The following DNAJC21 variants were observed in gnomAD, a reference collection of about 807,000 sequenced individuals.
DNAJC21 encodes DnaJ heat shock protein family (Hsp40) member C21, also known as dnaJ homolog subfamily C member 21.
A neutral mutation model predicts 72.4 loss-of-function variants in DNAJC21; 63 were observed. The observed-to-expected ratio is 0.87, with a 90% confidence interval of 0.71 to 1.07. DNAJC21 has a LOEUF of 1.07. Among genes scored for constraint, DNAJC21 ranks in the 50% least tolerant of loss-of-function variants. The probability of loss-of-function intolerance (pLI) is 0.00; values close to 1 mark genes in which losing one functional copy is unlikely to be tolerated. For missense variants in DNAJC21, 634 were observed against 644.8 expected (o/e 0.98, Z 0.18); for synonymous variants, 203 against 216.7 (o/e 0.94, Z 0.56).
In DNAJC21 at chr5:34,938,893, C is replaced by G; in HGVS notation, c.779C>G (p.Thr260Ser). 6.2e-7 allele frequency: 1 copy of G among 1,614,064 alleles called. No individual in the cohort carries two copies. Among genetic ancestry groups the G allele is most frequent in the East Asian group, 2.2e-5 (1 of 44,878 alleles). Reference protein sequence around the residue: ...VEQYREQSWMTMANLEKELQE... With the variant: ...VEQYREQSWMSMANLEKELQE... ...CAGTACAGAGAACAGAGCTGGATGACTATGGCCAATTTGGAGAAAGAGCTC... is the reference window on the plus strand; with the variant it reads ...CAGTACAGAGAACAGAGCTGGATGAGTATGGCCAATTTGGAGAAAGAGCTC... The change falls in exon 6 of 12, where the codon ACT (threonine) becomes AGT (serine). Residue 260 changes from threonine (T) to serine (S), a missense_variant. Coordinates refer to ENST00000648817, the MANE Select transcript of DNAJC21 (RefSeq NM_001012339.3).
chr5:34,949,821 G>C (rs1765299824), intron 9 of DNAJC21: 1 of 1,422,646 alleles, frequency 7.0e-7, no homozygotes, highest in South Asian at 1.5e-5. Flanking sequence ...TACCTGTAGA[G>C]ATTACTTAAT....
At chr5:34,931,349 G>A (rs1017051160) in intron 1 of DNAJC21, among the ~76,000 whole-genome samples, 3 of 152,224 alleles carry the variant, frequency 2.0e-5, no homozygotes, top group Admixed American at 6.5e-5. Flanking sequence ...TGTAAAAATA[G>A]TGTAGAAGTA....
At chr5:34,934,039 A>G (rs143845556) in intron 2 of DNAJC21, 131 bp downstream of exon 2, 10 of 645,080 alleles carry the variant, frequency 1.6e-5, no homozygotes, top group Non-Finnish European at 2.5e-5. Context: ...TCACCTAGTC[A>G]TCACATAAAA....
In DNAJC21 at chr5:34,929,733, C is replaced by T. The variant is rs893032451; in HGVS notation, c.-87C>T. 234 of 594,460 alleles carry T rather than the reference C, an allele frequency of 3.9e-4. No homozygotes were observed. The African/African-American group carries it at 4.1e-3, about 11-fold the overall frequency. 36.8% of individuals were successfully genotyped at this position (594,460 alleles called of 1,614,324 possible). ...GCGGACTCCCGCCGGAGAGGACTGC[C>T]AGCGCCGCCGCCGCCGCCGCTTCGG... On this transcript the variant is annotated 5_prime_UTR_variant, in exon 1 of 12. It introduces an in-frame stop codon into an upstream open reading frame of the 5' UTR. Transcript: ENST00000648817.
intron 7 of DNAJC21, among the ~76,000 whole-genome samples, 179 bp downstream of exon 7, chr5:34,941,362 TA>T (rs948355290): frequency 2.0e-5 from 3 of 152,016 alleles, no homozygotes; most frequent in African/African-American, 7.2e-5. Context: ...CATGGCCAGC[TA>T]AAAAACTGCA....
chr5:34,940,539 G>A (rs1237575440), intron 6 of DNAJC21, among the ~76,000 whole-genome samples: 1 of 152,078 alleles, frequency 6.6e-6, no homozygotes, highest in African/African-American at 2.4e-5. Context: ...GAGCTTTTTA[G>A]TCAGTTGGTT....
In DNAJC21 at chr5:34,939,019, TTTTTA is replaced by T. The variant is rs1580528877; in HGVS notation, c.895+19_895+23del. On this transcript the variant is annotated intron_variant, in intron 6 of 11. Coordinates refer to ENST00000648817, the MANE Select transcript of DNAJC21 (RefSeq NM_001012339.3). ...AAAGATGAGGAGGATGGTAATATTATTTTTATTTTATTTATCTTTTTTGTTTTTTA... is the reference window on the plus strand; with the variant it reads ...AAAGATGAGGAGGATGGTAATATTATTTTTATTTATCTTTTTTGTTTTTTA... 1 of 1,521,012 alleles carries T rather than the reference TTTTTA, an allele frequency of 6.6e-7. No homozygotes were observed. Among genetic ancestry groups the T allele is most frequent in the Non-Finnish European group, 8.8e-7 (1 of 1,138,666 alleles). The allele number at this position is 1,521,012 out of a possible 1,614,324, so 94.2% of individuals were successfully genotyped here. A position where few individuals can be genotyped will look rare whatever the true frequency, so the allele number is the denominator to read the frequency against.
In DNAJC21 at chr5:34,942,880, C is replaced by T. The variant is rs537815834; in HGVS notation, c.983+1697C>T. On this transcript the variant is annotated intron_variant, in intron 7 of 11. Coordinates refer to ENST00000648817, the MANE Select transcript of DNAJC21 (RefSeq NM_001012339.3). ...GGTTGGGAGTTTGAGACCAGCCTGA[C>T]CAACATGGAGAAACCCCGTCTCTAC... Among the ~76,000 whole-genome samples the T allele has an allele frequency of 2.0e-5, 3 of 152,210 alleles. No homozygotes were observed. The East Asian group carries it at 5.8e-4, about 29-fold the overall frequency.
chr5:34,937,865 G>A (rs1401994806), intron 5 of DNAJC21, among the ~76,000 whole-genome samples: 3 of 152,022 alleles, frequency 2.0e-5, no homozygotes, highest in Admixed American at 6.6e-5. Flanking sequence ...GTGCGATCTC[G>A]GCTCACTGCA....
At chr5:34,951,597 G>C (rs904259672) in intron 10 of DNAJC21, 2 of 970,568 alleles carry the variant, frequency 2.1e-6, no homozygotes, top group East Asian at 2.3e-4. Context: ...GCGCAACCTC[G>C]GCTCACTGCA....
rs1764509059 is a variant in DNAJC21 at position 34,929,680 on chromosome 5, G to C, written c.-140G>C. 1 of 206,908 alleles carries C rather than the reference G, an allele frequency of 4.8e-6. No individual in the cohort carries two copies. Among genetic ancestry groups the C allele is most frequent in the African/African-American group, 2.4e-5 (1 of 41,772 alleles). The allele number at this position is 206,908 out of a possible 1,614,324, so 12.8% of individuals were successfully genotyped here. A position where few individuals can be genotyped will look rare whatever the true frequency, so the allele number is the denominator to read the frequency against. ...CACCGCCGCCGCCGCCGCCGCCGCC[G>C]GGCTCGCTGGCTGGCCCGGTGCGGG... On this transcript the variant is annotated 5_prime_UTR_variant, in exon 1 of 12. Coordinates refer to ENST00000648817, the MANE Select transcript of DNAJC21 (RefSeq NM_001012339.3).
At chr5:34,952,922 G>A (rs1014286384) in intron 10 of DNAJC21, among the ~76,000 whole-genome samples, 11 of 152,026 alleles carry the variant, frequency 7.2e-5, no homozygotes, top group Admixed American at 5.9e-4. Context: ...AAGCCAAGGC[G>A]GGTGGATCAC....
chr5:34,950,411 T>G, intron 10 of DNAJC21, 69 bp downstream of exon 10: 2 of 1,522,864 alleles, frequency 1.3e-6, no homozygotes, highest in Non-Finnish European at 1.8e-6. Context: ...TTTTCATATA[T>G]CAAATAAAAT....
chr5:34,954,531 T>C (rs956353489), intron 11 of DNAJC21, 22 bp from the exon 12 acceptor site: 4 of 1,582,612 alleles, frequency 2.5e-6, no homozygotes, highest in Non-Finnish European at 3.4e-6. Flanking sequence ...TACTTTTATT[T>C]ATGATTTTTT....
chr5:34,944,885 G>C lies in DNAJC21; in HGVS notation c.1002G>C (p.Lys334Asn), dbSNP rs376158200. The change falls in exon 8 of 12, where the codon AAG (lysine) becomes AAC (asparagine). Residue 334 changes from lysine (K) to asparagine (N), a missense_variant. By Grantham distance (94) the Lys-to-Asn change is moderately conservative (BLOSUM62 0). Transcript: ENST00000648817. ...CTTTCAGCATGAAGAATCACGAGAA[G>C]TCAAAGAAGCATCGGGAAATGGTGG... is the stretch of plus-strand genomic sequence containing the variant. Reference protein sequence around the residue: ...KTEKAMKNHEKSKKHREMVAL... With the variant: ...KTEKAMKNHENSKKHREMVAL... The C allele has an allele frequency of 1.2e-6, 2 of 1,614,026 alleles. No individual in the cohort carries two copies. Among genetic ancestry groups the C allele is most frequent in the African/African-American group, 2.7e-5 (2 of 74,912 alleles).
At position 34,955,208 on chromosome 5, in the gene DNAJC21, T is replaced by C. The variant is rs891520942; in HGVS notation, c.*494T>C. On this transcript the variant is annotated 3_prime_UTR_variant, in exon 12 of 12. Transcript: ENST00000648817. ...AAAATTATTTTTAAATAACCGATTATTGATTACTGTATTTTTTTTCTCAAG... is the reference window on the plus strand; with the variant it reads ...AAAATTATTTTTAAATAACCGATTACTGATTACTGTATTTTTTTTCTCAAG... The C allele has an allele frequency of 6.6e-6, 1 of 152,328 alleles. No individual in the cohort carries two copies. The highest frequency in any genetic ancestry group is 2.4e-5 in the African/African-American group (1 of 41,470). 9.4% of individuals were successfully genotyped at this position (152,328 alleles called of 1,614,324 possible). A position where few individuals can be genotyped will look rare whatever the true frequency, so the allele number is the denominator to read the frequency against.
chr5:34,945,395 C>T (rs1765141599), intron 8 of DNAJC21, among the ~76,000 whole-genome samples: 1 of 152,038 alleles, frequency 6.6e-6, no homozygotes, highest in Non-Finnish European at 1.5e-5. Context: ...CTGTTTTATC[C>T]CAAGGAAGTT....
intron 7 of DNAJC21, 106 bp downstream of exon 7, chr5:34,941,289 T>C (rs1764981170): frequency 1.0e-6 from 1 of 998,566 alleles, no homozygotes; most frequent in Non-Finnish European, 1.5e-6. Context: ...CCTCGACCTG[T>C]TGAACTCAGA....
chr5:34,952,123 A>ATTG (rs1765389632), intron 10 of DNAJC21: 1 of 776,420 alleles, frequency 1.3e-6, no homozygotes, highest in Non-Finnish European at 1.6e-6. Context: ...TTTTTAAAAA[A>ATTG]TGTGTGTGTG....
Sources: allele counts gnomAD v4.1 joint callset (sites outside exome capture counted in the v4.1 genomes callset), GRCh38; gene constraint gnomAD v4.1.1; transcripts MANE v1.5; gene names NCBI Gene and HGNC (gene_info 2026-07-23, HGNC 2026-07-21).